Variants in CACNA1C observed in about 807,000 individuals in gnomAD.
CACNA1C encodes calcium voltage-gated channel subunit alpha1 C.
In CACNA1C, 30 loss-of-function variants were observed where a neutral mutation model predicts 229.0. The ratio of observed to expected loss-of-function variants is 0.13; its 90% confidence interval spans 0.10 to 0.18. The LOEUF (loss-of-function observed/expected upper bound fraction) is 0.18. Among genes scored for constraint, CACNA1C ranks in the 10% least tolerant of loss-of-function variants. The pLI is 1.00. For synonymous variants in CACNA1C, 1,114 were observed against 1,132.5 expected, an observed-to-expected ratio of 0.98 and a Z score of 0.33; for missense variants, 1,658 against 2,845.0, an observed-to-expected ratio of 0.58 and a Z score of 9.49.
chr12:2,522,557 T>C (rs961864136), intron 9 of CACNA1C, among the ~76,000 whole-genome samples: 2 of 152,092 alleles, frequency 1.3e-5, no homozygotes, highest in African/African-American at 2.4e-5. Flanking sequence ...GTTAGAATTA[T>C]ATAGTCCCAG....
chr12:2,282,047 A>G (rs1042706456), intron 3 of CACNA1C, among the ~76,000 whole-genome samples: 2 of 151,946 alleles, frequency 1.3e-5, no homozygotes, highest in Middle Eastern at 3.2e-3. Context: ...GCCATACATA[A>G]TTTGCCTGCC....
At chr12:2,149,675 G>A (rs2095053718) in intron 3 of CACNA1C, among the ~76,000 whole-genome samples, 1 of 152,148 alleles carries the variant, frequency 6.6e-6, no homozygotes, top group Non-Finnish European at 1.5e-5. Flanking sequence ...TGAAATGCAG[G>A]GCGAGAGAAA....
intron 3 of CACNA1C, among the ~76,000 whole-genome samples, chr12:2,143,238 G>C (rs1234618213): frequency 6.6e-6 from 1 of 151,168 alleles, no homozygotes; most frequent in Non-Finnish European, 1.5e-5. Context: ...AAAGTGCTGG[G>C]ATTCCAGGTG....
At chr12:2,342,601 C>A (rs150159379) in intron 3 of CACNA1C, among the ~76,000 whole-genome samples, 42 of 152,348 alleles carry the variant, frequency 2.8e-4, no homozygotes, top group African/African-American at 9.9e-4. Context: ...CTGTGTCATA[C>A]TGAAGCCCCC....
rs962650929 is a variant in CACNA1C, at chr12:2,108,316, C to T, written c.50-6908C>T. Among the ~76,000 whole-genome samples, 28 of 152,308 alleles carry T rather than the reference C, an allele frequency of 1.8e-4. No individual in the cohort carries two copies. The highest frequency in any genetic ancestry group is 6.7e-4 in the African/African-American group (28 of 41,564). On this transcript the variant is annotated intron_variant, in intron 1 of 46. Coordinates refer to ENST00000399655, the MANE Select transcript of CACNA1C (RefSeq NM_000719.7). The surrounding 1 kb of genome is among the most constrained non-coding windows in gnomAD (Gnocchi z 5.3). Reference sequence around the variant, plus strand: ...CAAAACAGTGCTGCAGAACAGGCCCCCCGAGGGAACTGCGGTTCGGGTACA... The same window carrying T: ...CAAAACAGTGCTGCAGAACAGGCCCTCCGAGGGAACTGCGGTTCGGGTACA...
intron 6 of CACNA1C, among the ~76,000 whole-genome samples, chr12:2,492,396 C>T (rs774157705): frequency 3.5e-4 from 54 of 152,302 alleles, no homozygotes; most frequent in African/African-American, 1.2e-3. Flanking sequence ...TATTCACTGC[C>T]GCTCTATCTT....
At chr12:2,498,343 C>G (rs1483489971) in intron 7 of CACNA1C, among the ~76,000 whole-genome samples, 2 of 152,168 alleles carry the variant, frequency 1.3e-5, no homozygotes, top group Non-Finnish European at 2.9e-5. Flanking sequence ...CGTGCTACCC[C>G]CAGGGTGCAC....
At chr12:2,332,126 A>C (rs973089799) in intron 3 of CACNA1C, among the ~76,000 whole-genome samples, 2 of 152,232 alleles carry the variant, frequency 1.3e-5, no homozygotes, top group African/African-American at 4.8e-5. Flanking sequence ...GGCATAAAGG[A>C]CATCCTGTTT....
intron 3 of CACNA1C, among the ~76,000 whole-genome samples, chr12:2,355,369 A>C (rs1353636496): frequency 7.3e-6 from 1 of 137,066 alleles, no homozygotes; most frequent in Non-Finnish European, 1.5e-5. Context: ...CCACCCCCCC[A>C]CATTTCCTCA....
intron 3 of CACNA1C, among the ~76,000 whole-genome samples, chr12:2,365,885 C>T (rs1174697869): frequency 3.3e-5 from 5 of 152,160 alleles, no homozygotes; most frequent in Non-Finnish European, 7.3e-5. Flanking sequence ...CTGCACTCCA[C>T]GTGTCTATCC....
At chr12:1,990,258 C>T (rs1393512475) in intron 1 of CACNA1C, among the ~76,000 whole-genome samples, 1 of 152,158 alleles carries the variant, frequency 6.6e-6, no homozygotes, top group Non-Finnish European at 1.5e-5. Context: ...GTTTGGCAGA[C>T]AGTAAATGTT....
Position 2,611,018 on chromosome 12 carries a change from G to A in CACNA1C, c.3717+319G>A, listed in dbSNP as rs553864443. ...ACGGAGGGATGAGCTGGATGTGTTC[G>A]TTGTTGGTTGATCAATGGAGAGAGG... On this transcript the variant is annotated intron_variant, in intron 28 of 46. Transcript: ENST00000399655. 4.6e-4 allele frequency among the ~76,000 whole-genome samples: 67 copies of A among 146,130 alleles called. 1 individual carries two copies. Among genetic ancestry groups the A allele is most frequent in the African/African-American group, 1.3e-3 (53 of 39,494 alleles).
chr12:1,990,840 G>A (rs937423634), intron 1 of CACNA1C, among the ~76,000 whole-genome samples: 21 of 152,034 alleles, frequency 1.4e-4, no homozygotes, highest in East Asian at 3.8e-4. Context: ...CTATTAAAAC[G>A]TTTAAGAGGT....
chr12:2,563,272 A>C (rs1267584346), intron 11 of CACNA1C, among the ~76,000 whole-genome samples: 1 of 152,120 alleles, frequency 6.6e-6, no homozygotes, highest in Non-Finnish European at 1.5e-5. Flanking sequence ...TTCTTCATTC[A>C]TTTGCTGATG....
intron 1 of CACNA1C, among the ~76,000 whole-genome samples, chr12:1,982,969 G>A (rs1715211814): frequency 6.6e-6 from 1 of 151,930 alleles, no homozygotes; most frequent in African/African-American, 2.4e-5. Context: ...GGACTATTCA[G>A]CTTACCTATT....
intron 34 of CACNA1C, chr12:2,660,065 A>C (rs535059669): frequency 1.3e-5 from 2 of 157,778 alleles, no homozygotes; most frequent in East Asian, 3.8e-4. Context: ...CTGGGTGAAG[A>C]ATGGAAGGCT....
chr12:2,667,984 G>A (rs74057323), intron 37 of CACNA1C, among the ~76,000 whole-genome samples: 2 of 152,242 alleles, frequency 1.3e-5, no homozygotes, highest in African/African-American at 2.4e-5. Context: ...TGTTCTGGGG[G>A]TGTGTGCTGG....
intron 20 of CACNA1C, chr12:2,596,273 G>A (rs148875195): frequency 2.0e-4 from 68 of 343,042 alleles, no homozygotes; most frequent in Middle Eastern, 7.3e-4. Context: ...TCCCCAGGAA[G>A]CTCTAGTTCC....
intron 3 of CACNA1C, among the ~76,000 whole-genome samples, chr12:2,436,682 C>T (rs146656700): frequency 6.6e-6 from 1 of 152,336 alleles, no homozygotes; most frequent in Non-Finnish European, 1.5e-5. Flanking sequence ...GCCCAAATGG[C>T]TGATAAGGGG....
Sources: gnomAD v4.1 joint callset for allele counts (sites outside exome capture counted in the v4.1 genomes callset) on GRCh38, gnomAD v4.1.1 for gene constraint, Gnocchi (gnomAD v3.1) non-coding constraint, MANE v1.5 for transcripts, NCBI Gene and HGNC (gene_info 2026-07-23, HGNC 2026-07-21) for gene names.